Variants in TTN observed in about 807,000 individuals in gnomAD.
The protein encoded by TTN is connectin.
TTN carries 1,525 observed loss-of-function variants against 3,223.0 expected under a neutral mutation model. The observed-to-expected ratio is 0.47, with a 90% CI of 0.45 to 0.49. The LOEUF is 0.49. Among genes scored for constraint, TTN ranks in the 20% least tolerant of loss-of-function variants. The pLI, the probability that TTN is intolerant of heterozygous loss-of-function variation, is 0.00. For missense variants in TTN, 40,786 were observed against 43,424.0 expected (o/e 0.94, Z 5.40); for synonymous variants, 14,094 against 15,161.0 (o/e 0.93, Z 5.17).
At position 178,579,608 on chromosome 2, in the gene TTN, C is replaced by A. The variant is rs1198096692; in HGVS notation, c.67589G>T (p.Gly22530Val). 1 of 1,613,244 alleles carries A rather than the reference C, an allele frequency of 6.2e-7. No individual in the cohort carries two copies. The highest frequency in any genetic ancestry group is 2.2e-5 in the East Asian group (1 of 44,828). Residue 22530 changes from glycine (G) to valine (V), a missense_variant, in exon 319 of 363, where the codon GGA becomes GTA. Physicochemically the swap from Gly to Val is moderately radical, Grantham distance 109 (BLOSUM62 -3). Transcript: ENST00000589042. ...TFRVSAENEN[G>V]EGTPSEITVV... ...AGTGATTTCGCTTGGGGTTCCTTCT[C>A]CATTTTCATTCTCAGCACTCACTCT...
chr2:178,728,543 A>T lies in TTN; in HGVS notation c.19383T>A (p.Asn6461Lys), dbSNP rs76771282. 6.2e-7 allele frequency: 1 copy of T among 1,612,622 alleles called. No individual in the cohort carries two copies. Among genetic ancestry groups the T allele is most frequent in the East Asian group, 2.2e-5 (1 of 44,748 alleles). ...CATCACAGCTACTGCTTCCGAAGTCATTTTCCACCTTGAAAGTGTACTGAC... is the reference window on the plus strand; with the variant it reads ...CATCACAGCTACTGCTTCCGAAGTCTTTTTCCACCTTGAAAGTGTACTGAC... ...DSGQYTFKVE[N>K]DFGSSSCDAY... is the part of the protein sequence containing the mutation. Residue 6461 changes from asparagine (N) to lysine (K), a missense_variant, in exon 66 of 363, where the codon AAT becomes AAA. Asn to Lys is a moderately conservative substitution (Grantham distance 94). Coordinates refer to ENST00000589042, the MANE Select transcript of TTN (RefSeq NM_001267550.2).
Position 178,715,156 on chromosome 2 carries a change from T to C in TTN, c.26030A>G (p.Tyr8677Cys), listed in dbSNP as rs778578388. 4.1e-5 allele frequency: 66 copies of C among 1,613,784 alleles called. No individual in the cohort carries two copies. The highest frequency in any genetic ancestry group is 5.6e-5 in the Non-Finnish European group (66 of 1,179,708). The change falls in exon 90 of 363, where the codon TAT (tyrosine) becomes TGT (cysteine). Residue 8677 changes from tyrosine (Y) to cysteine (C), a missense_variant. By Grantham distance (194) the Tyr-to-Cys change is radical (BLOSUM62 -2). Transcript: ENST00000589042. ...GCTCCTAAGTTCTCTCTTGTCTTTA[T>C]ACCAAGAAACGTGAAATGGGGGAGT... The part of the protein sequence containing the change: ...QGTPPFHVSW[Y>C]KDKRELRSGK...
chr2:178,526,851 T>C lies in TTN; in HGVS notation c.*161A>G, dbSNP rs1401788771. 9 of 626,294 alleles carry C rather than the reference T, an allele frequency of 1.4e-5. No homozygotes were observed. The South Asian group carries it at 2.4e-4, about 17-fold the overall frequency. The allele number at this position is 626,294 out of a possible 1,614,324, so 38.8% of individuals were successfully genotyped here. A position where few individuals can be genotyped will look rare whatever the true frequency, so the allele number is the denominator to read the frequency against. ...ATGTATTATATTCTTAGGTCAACAA[T>C]TATGAAAAGATTGAAATGAATATTT... On this transcript the variant is annotated 3_prime_UTR_variant, in exon 363 of 363. Coordinates refer to ENST00000589042, the MANE Select transcript of TTN (RefSeq NM_001267550.2).
rs542799064 is a variant in TTN at position 178,759,123 on chromosome 2, C to T, written c.10164G>A (p.Arg3388=). ...YSKDKKIKPS[R]FFRMTQFEDT... ...CTTCAAATTGAGTCATTCTAAAGAA[C>T]CGAGATGGCTTGATTTTCTTGTCTT... Residue 3388 remains arginine, a synonymous_variant, in exon 44 of 363, where the codon CGG becomes CGA. Transcript: ENST00000589042. 4.3e-6 allele frequency: 7 copies of T among 1,613,826 alleles called. No individual in the cohort carries two copies. The highest frequency in any genetic ancestry group is 2.7e-5 in the African/African-American group (2 of 74,888).
At position 178,589,266 on chromosome 2, in the gene TTN, A is replaced by C. The variant is rs369446270; in HGVS notation, c.62459T>G (p.Ile20820Ser). 1 of 1,613,308 alleles carries C rather than the reference A, an allele frequency of 6.2e-7. No homozygotes were observed. Among genetic ancestry groups the C allele is most frequent in the Non-Finnish European group, 8.5e-7 (1 of 1,179,606 alleles). The change falls in exon 304 of 363, where the codon ATT becomes AGT. Residue 20820 changes from isoleucine (I) to serine (S), a missense_variant. Physicochemically the swap from Ile to Ser is moderately radical, Grantham distance 142 (BLOSUM62 -2). Coordinates refer to ENST00000589042, the MANE Select transcript of TTN (RefSeq NM_001267550.2). Reference sequence around the variant, plus strand: ...TTTAGATGAATCAGCACGGGTATCAATCTTGACCCTTGGTGATCTTGTTAA... The same window carrying C: ...TTTAGATGAATCAGCACGGGTATCACTCTTGACCCTTGGTGATCTTGTTAA... ...TDLTRSPRVK[I>S]DTRADSSKFS...
intron 213 of TTN, among the ~76,000 whole-genome samples, chr2:178,648,670 C>G (rs2062420275): frequency 6.6e-6 from 1 of 152,028 alleles, no homozygotes; most frequent in Admixed American, 6.6e-5. Flanking sequence ...TTGGCCTCCC[C>G]AAGTGTTGGG....
chr2:178,634,433 A>C lies in TTN; in HGVS notation c.42348T>G (p.Phe14116Leu). ...CAGCAGTATAGACCCCTTCATCATCAAATTGAGAATCATTAATAACAAGAA... is the reference window on the plus strand; with the variant it reads ...CAGCAGTATAGACCCCTTCATCATCCAATTGAGAATCATTAATAACAAGAA... ...KHILVINDSQ[F>L]DDEGVYTAEV... Residue 14116 changes from phenylalanine to leucine, a missense_variant, in exon 230 of 363, where the codon TTT (phenylalanine) becomes TTG (leucine). By Grantham distance (22) the Phe-to-Leu change is conservative (BLOSUM62 0). Transcript: ENST00000589042. The surrounding 1 kb of genome is among the most constrained non-coding windows in gnomAD (Gnocchi z 4.6). 1 of 1,613,116 alleles carries C rather than the reference A, an allele frequency of 6.2e-7. No homozygotes were observed. Among genetic ancestry groups the C allele is most frequent in the East Asian group, 2.2e-5 (1 of 44,734 alleles).
In TTN at chr2:178,727,866, A is replaced by G. The variant is rs2079629592; in HGVS notation, c.19715-3T>C. 4 of 1,567,066 alleles carry G rather than the reference A, an allele frequency of 2.6e-6. No individual in the cohort carries two copies. The highest frequency in any genetic ancestry group is 3.4e-6 in the Non-Finnish European group (4 of 1,160,228). ...TTTCACTAGGAAGCTTGGTGGTTCTATAGATTTTAAGAGAGATATATTTAA... is the reference window on the plus strand; with the variant it reads ...TTTCACTAGGAAGCTTGGTGGTTCTGTAGATTTTAAGAGAGATATATTTAA... On this transcript the variant is annotated splice_polypyrimidine_tract_variant and splice_region_variant and intron_variant, in intron 67 of 362. Coordinates refer to ENST00000589042, the MANE Select transcript of TTN (RefSeq NM_001267550.2).
rs781296417 is a variant in TTN at position 178,542,581 on chromosome 2, T to TA, written c.97193-19dup. The TA allele has an allele frequency of 1.3e-5, 20 of 1,591,348 alleles. No homozygotes were observed. The highest frequency in any genetic ancestry group is 1.6e-5 in the Non-Finnish European group (19 of 1,165,896). On this transcript the variant is annotated intron_variant, in intron 348 of 362. Coordinates refer to ENST00000589042, the MANE Select transcript of TTN (RefSeq NM_001267550.2). Reference sequence around the variant, plus strand: ...AGGCTTGTCTATGAAAGAGAAGAAATACAGGAAATTAATTTTTACTTCAAA... The same window carrying TA: ...AGGCTTGTCTATGAAAGAGAAGAAATAACAGGAAATTAATTTTTACTTCAAA...
In TTN at chr2:178,741,301, G is replaced by A. The variant is rs1472692011; in HGVS notation, c.11932C>T (p.Leu3978Phe). ...TVTWFKENKQ[L>F]CTSVYYTIIH... ...ATAGTGTAATAAACACTGGTGCAAA[G>A]CTGCTTGTTTTCTTTGAACCATGTA... The change falls in exon 48 of 363, where the codon CTT becomes TTT. Residue 3978 changes from leucine to phenylalanine, a missense_variant. Coordinates refer to ENST00000589042, the MANE Select transcript of TTN (RefSeq NM_001267550.2). The A allele has an allele frequency of 6.2e-7, 1 of 1,613,896 alleles. No homozygotes were observed. The highest frequency in any genetic ancestry group is 1.7e-5 in the Admixed American group (1 of 60,008).
Position 178,559,446 on chromosome 2 carries a change from T to G in TTN, c.86686A>C (p.Thr28896Pro), listed in dbSNP as rs778149999. 2.5e-6 allele frequency: 4 copies of G among 1,613,762 alleles called. No individual in the cohort carries two copies. The Admixed American group carries it at 6.7e-5, about 27-fold the overall frequency. Residue 28896 changes from threonine (T) to proline (P), a missense_variant, in exon 326 of 363, where the codon ACC becomes CCC. By Grantham distance (38) the Thr-to-Pro change is conservative (BLOSUM62 -1). Transcript: ENST00000589042. ...EASKKAWVSV[T>P]NNCNRLSYKV... is the part of the protein sequence containing the mutation. ...TAGGAGAGGCGGTTACAGTTGTTGGTCACAGAGACCCATGCTTTCTTGCTG... is the reference window on the plus strand; with the variant it reads ...TAGGAGAGGCGGTTACAGTTGTTGGGCACAGAGACCCATGCTTTCTTGCTG...
chr2:178,527,242 C>G lies in TTN; in HGVS notation c.107746G>C (p.Val35916Leu), dbSNP rs1686792927. 3.7e-6 allele frequency: 6 copies of G among 1,613,522 alleles called. No homozygotes were observed. The highest frequency in any genetic ancestry group is 5.1e-6 in the Non-Finnish European group (6 of 1,179,578). ...ISIDEGKVLT[V>L]ACAFTGEPTP... ...GGCTCACCCGTGAAAGCACAGGCTA[C>G]TGTTAGAACTTTGCCTTCATCAATG... Residue 35916 changes from valine (V) to leucine (L), a missense_variant, in exon 363 of 363, where the codon GTA (valine) becomes CTA (leucine). By Grantham distance (32) the Val-to-Leu change is conservative. Transcript: ENST00000589042.
chr2:178,539,301 A>G, intron 352 of TTN, 50 bp from the exon 353 acceptor site: 1 of 1,598,280 alleles, frequency 6.3e-7, no homozygotes, highest in Non-Finnish European at 8.5e-7. Flanking sequence ...AGTCCCAAGT[A>G]TTATAAGCCA....
rs780374544 is a variant in TTN, at chr2:178,588,074, A to C, written c.63333T>G (p.Ser21111=). 1.3e-5 allele frequency: 21 copies of C among 1,612,864 alleles called. No homozygotes were observed. In the African/African-American group the frequency reaches 2.4e-4, roughly 18 times the overall value. The change falls in exon 305 of 363, where the codon TCT becomes TCG. Residue 21111 remains serine (S), a synonymous_variant. Transcript: ENST00000589042. ...TACACCGTTTCCAGCCTTCATCAGGAGACGCATCTGCTATTTTTGGTCTCA... is the reference window on the plus strand; with the variant it reads ...TACACCGTTTCCAGCCTTCATCAGGCGACGCATCTGCTATTTTTGGTCTCA... ...VEMRPKIADA[S]PDEGWKRCNA... is the part of the protein sequence containing the mutation.
In TTN at chr2:178,545,586, A is replaced by C. The variant is rs1452962684; in HGVS notation, c.95524T>G (p.Tyr31842Asp). 2 of 1,613,750 alleles carry C rather than the reference A, an allele frequency of 1.2e-6. No homozygotes were observed. Among genetic ancestry groups the C allele is most frequent in the Non-Finnish European group, 1.7e-6 (2 of 1,179,722 alleles). ...TTCTTCTCACGTTTGTCTACTAGGTAGTTGCTGATTTCATTGCCACCATCA... is the reference window on the plus strand; with the variant it reads ...TTCTTCTCACGTTTGTCTACTAGGTCGTTGCTGATTTCATTGCCACCATCA... ...ESDGGNEISNYLVDKREKKSL... is the reference protein window; with the variant it reads ...ESDGGNEISNDLVDKREKKSL... The change falls in exon 344 of 363, where the codon TAC (tyrosine) becomes GAC (aspartate). Residue 31842 changes from tyrosine (Y) to aspartate (D), a missense_variant. Physicochemically the swap from Tyr to Asp is radical, Grantham distance 160. Coordinates refer to ENST00000589042, the MANE Select transcript of TTN (RefSeq NM_001267550.2).
At chr2:178,747,239 G>A in intron 47 of TTN, 1 of 1,612,838 alleles carries the variant, frequency 6.2e-7, no homozygotes, top group Non-Finnish European at 8.5e-7. Flanking sequence ...CTCCCCTGGG[G>A]GTGTGGAGTA....
In TTN at chr2:178,580,686, C is replaced by G; in HGVS notation, c.66770-77G>C. 3.0e-6 allele frequency: 4 copies of G among 1,330,110 alleles called. No individual in the cohort carries two copies. In the South Asian group the frequency reaches 5.5e-5, roughly 18 times the overall value. The allele number at this position is 1,330,110 out of a possible 1,614,324, so 82.4% of individuals were successfully genotyped here. A position where few individuals can be genotyped will look rare whatever the true frequency, so the allele number is the denominator to read the frequency against. ...TTTCCAGGGACTGGCCTTGTCACTC[C>G]TAAAATACATTTATTTTCTAGAGCT... On this transcript the variant is annotated intron_variant, in intron 316 of 362. Transcript: ENST00000589042.
Position 178,543,102 on chromosome 2 carries a change from T to A in TTN, c.96871A>T (p.Thr32291Ser), listed in dbSNP as rs1377452178. 3 of 1,604,916 alleles carry A rather than the reference T, an allele frequency of 1.9e-6. No homozygotes were observed. The highest frequency in any genetic ancestry group is 2.6e-6 in the Non-Finnish European group (3 of 1,173,416). ...NEKGVSEPRETVTAVTVQDLR... is the reference protein window; with the variant it reads ...NEKGVSEPRESVTAVTVQDLR... ...TCTTGTACAGTCACGGCTGTGACAG[T>A]CTCTCTTGGTTCTGACACACCTTTC... The change falls in exon 347 of 363, where the codon ACT (threonine) becomes TCT (serine). Residue 32291 changes from threonine to serine, a missense_variant. Physicochemically the swap from Thr to Ser is moderately conservative, Grantham distance 58 (BLOSUM62 1). Transcript: ENST00000589042.
At position 178,741,838 on chromosome 2, in the gene TTN, CAA is replaced by C; in HGVS notation, c.11393_11394del (p.Leu3798ArgfsTer5). The C allele has an allele frequency of 6.2e-7, 1 of 1,609,196 alleles. No individual in the cohort carries two copies. Among genetic ancestry groups the C allele is most frequent in the Non-Finnish European group, 8.5e-7 (1 of 1,177,534 alleles). Reference protein sequence around the residue: ...ELQLSKINETLELLSESPVYP... With the variant: ...ELQLSKINETXELLSESPVYP... ...TAAACTGGAGATTCAGACAAAAGTT[CAA>C]GTGTTTCATTTATTTTAGATAATTG... On this transcript the variant is annotated frameshift_variant, in exon 48 of 363. Transcript: ENST00000589042. LOFTEE classifies it high-confidence loss of function.
Sources: allele counts gnomAD v4.1 joint callset (sites outside exome capture counted in the v4.1 genomes callset), GRCh38; gene constraint gnomAD v4.1.1; non-coding constraint Gnocchi (gnomAD v3.1); transcripts MANE v1.5; gene names NCBI Gene and HGNC (gene_info 2026-07-23, HGNC 2026-07-21).